The following PPP2R2B variants were observed in gnomAD, a reference collection of about 807,000 sequenced individuals.
PPP2R2B encodes the protein serine/threonine-protein phosphatase 2A 55 kDa regulatory subunit B beta isoform.
A neutral mutation model predicts 46.0 loss-of-function variants in PPP2R2B; 5 were observed. The observed-to-expected ratio is 0.11, with a 90% CI of 0.06 to 0.23. The LOEUF is 0.23. PPP2R2B is among the 10% of genes least tolerant of loss of function. PPP2R2B has a pLI of 1.00. For synonymous variants in PPP2R2B, 215 were observed against 206.7 expected (o/e 1.04, Z -0.34); for missense variants, 367 against 575.0 (o/e 0.64, Z 3.70).
chr5:146,726,744 T>C (rs1751891895), intron 2 of PPP2R2B, among the ~76,000 whole-genome samples: 1 of 152,178 alleles, frequency 6.6e-6, no homozygotes, highest in Admixed American at 6.6e-5. Flanking sequence ...ATCTGAGAAA[T>C]CTACTTTACA....
intron 1 of PPP2R2B, among the ~76,000 whole-genome samples, chr5:146,997,698 GTAATA>G (rs1162726943): frequency 6.6e-6 from 1 of 152,140 alleles, no homozygotes; most frequent in Non-Finnish European, 1.5e-5. Context: ...AGTAGACTCA[GTAATA>G]TAATGTGGTA....
At chr5:146,943,571 C>T (rs554494014) in intron 1 of PPP2R2B, among the ~76,000 whole-genome samples, 29 of 152,248 alleles carry the variant, frequency 1.9e-4, no homozygotes, top group Non-Finnish European at 1.6e-4. Context: ...AATCTTGGCA[C>T]ATTTGGGCCT....
intron 2 of PPP2R2B, among the ~76,000 whole-genome samples, chr5:146,774,831 A>G (rs1238687327): frequency 6.6e-6 from 1 of 151,852 alleles, no homozygotes; most frequent in Non-Finnish European, 1.5e-5. Context: ...AAAAAAAAAA[A>G]AGAAAAGAGA....
At chr5:146,784,510 C>A (rs889331699) in intron 2 of PPP2R2B, among the ~76,000 whole-genome samples, 2 of 152,104 alleles carry the variant, frequency 1.3e-5, no homozygotes, top group Admixed American at 6.6e-5. Flanking sequence ...CCTATTCACA[C>A]CTTCAGTAAA....
At chr5:147,012,809 C>A (rs954280477) in intron 1 of PPP2R2B, among the ~76,000 whole-genome samples, 1 of 151,912 alleles carries the variant, frequency 6.6e-6, no homozygotes, top group Non-Finnish European at 1.5e-5. Context: ...CAAAGAACAT[C>A]TTTATTTCTG....
chr5:146,671,468 C>A (rs1777366087), intron 5 of PPP2R2B, among the ~76,000 whole-genome samples: 1 of 152,206 alleles, frequency 6.6e-6, no homozygotes, highest in African/African-American at 2.4e-5. Flanking sequence ...TATGTAACTG[C>A]AGCTTTCAAA....
At chr5:146,913,600 T>G (rs1367822568) in intron 1 of PPP2R2B, among the ~76,000 whole-genome samples, 3 of 152,040 alleles carry the variant, frequency 2.0e-5, no homozygotes, top group Non-Finnish European at 2.9e-5. Context: ...GGTCTCTTGA[T>G]CTCCACTTTG....
chr5:146,895,114 A>G (rs1025407389), intron 1 of PPP2R2B, among the ~76,000 whole-genome samples: 9 of 152,206 alleles, frequency 5.9e-5, no homozygotes, highest in African/African-American at 2.2e-4. Context: ...TTTGTCCTCT[A>G]TGTCAAAATA....
At position 146,720,917 on chromosome 5, in the gene PPP2R2B, A is replaced by G. The variant is rs550921446; in HGVS notation, c.71-19775T>C. On this transcript the variant is annotated intron_variant, in intron 2 of 9. Coordinates refer to ENST00000394411, the MANE Select transcript of PPP2R2B (RefSeq NM_181675.4). ...TAGTGCATAGCCACTTGCAAATCCT[A>G]TCTCTTGAGACTTTTCATGATAAAG... 7.2e-5 allele frequency among the ~76,000 whole-genome samples: 11 copies of G among 152,294 alleles called. No homozygotes were observed. In the East Asian group the frequency reaches 2.1e-3, roughly 29 times the overall value.
chr5:147,060,828 T>G (rs1300384273), upstream of PPP2R2B, among the ~76,000 whole-genome samples: 1 of 152,158 alleles, frequency 6.6e-6, no homozygotes, highest in Non-Finnish European at 1.5e-5. Flanking sequence ...AGACCCTAAG[T>G]TGCAAGAAGG....
At chr5:147,059,454 G>A (rs151184720), upstream of PPP2R2B, among the ~76,000 whole-genome samples, 92 of 152,298 alleles carry the variant, frequency 6.0e-4, no homozygotes, top group African/African-American at 2.1e-3. Flanking sequence ...ACAGATAAGA[G>A]CAGGGTCACC....
chr5:147,037,349 C>CA (rs1015230018), intron 1 of PPP2R2B, among the ~76,000 whole-genome samples: 7 of 149,338 alleles, frequency 4.7e-5, no homozygotes, highest in African/African-American at 1.5e-4. Flanking sequence ...AATTGTTAGG[C>CA]AAAAAAAAGT....
At chr5:146,820,810 G>A (rs138119886) in intron 2 of PPP2R2B, among the ~76,000 whole-genome samples, 66 of 152,120 alleles carry the variant, frequency 4.3e-4, no homozygotes, top group Middle Eastern at 3.4e-3. Flanking sequence ...GACTCCATCC[G>A]TCAAATTGCC....
chr5:147,036,707 T>C (rs1245247026), intron 1 of PPP2R2B, among the ~76,000 whole-genome samples: 1 of 152,192 alleles, frequency 6.6e-6, no homozygotes, highest in Non-Finnish European at 1.5e-5. Flanking sequence ...ATAATAGCCA[T>C]TCTGACTGTG....
In PPP2R2B at chr5:146,593,022, T is replaced by C; in HGVS notation, c.1001A>G (p.Glu334Gly). The C allele has an allele frequency of 6.2e-7, 1 of 1,614,090 alleles. No homozygotes were observed. The highest frequency in any genetic ancestry group is 8.5e-7 in the Non-Finnish European group (1 of 1,179,908). ...AAATTTATCAAAAATGCAGTCATTTTCATAGAGGGAACACAGCTTGCTGCG... is the reference window on the plus strand; with the variant it reads ...AAATTTATCAAAAATGCAGTCATTTCCATAGAGGGAACACAGCTTGCTGCG... ...YLRSKLCSLYENDCIFDKFEC... is the reference protein window; with the variant it reads ...YLRSKLCSLYGNDCIFDKFEC... The change falls in exon 9 of 10, where the codon GAA becomes GGA. Residue 334 changes from glutamate to glycine, a missense_variant. Physicochemically the swap from Glu to Gly is moderately conservative, Grantham distance 98. Coordinates refer to ENST00000394411, the MANE Select transcript of PPP2R2B (RefSeq NM_181675.4).
chr5:146,957,626 G>A (rs1218966248), intron 1 of PPP2R2B, among the ~76,000 whole-genome samples: 1 of 152,116 alleles, frequency 6.6e-6, no homozygotes, highest in African/African-American at 2.4e-5. Flanking sequence ...GTGGGAGCAG[G>A]TAGAGGCACC....
At chr5:146,594,546 T>G (rs1027837307) in intron 8 of PPP2R2B, among the ~76,000 whole-genome samples, 2 of 152,178 alleles carry the variant, frequency 1.3e-5, no homozygotes, top group African/African-American at 4.8e-5. Context: ...GCCAGGTGCT[T>G]TATCTGTCAA....
intron 1 of PPP2R2B, among the ~76,000 whole-genome samples, chr5:147,053,769 C>T (rs1248834251): frequency 6.6e-6 from 1 of 152,146 alleles, no homozygotes; most frequent in South Asian, 2.1e-4. Flanking sequence ...ATGTGTGGAG[C>T]ATTACAAAGA....
chr5:146,844,024 A>C (rs1759827734), intron 2 of PPP2R2B, among the ~76,000 whole-genome samples: 1 of 152,066 alleles, frequency 6.6e-6, no homozygotes, highest in South Asian at 2.1e-4. Context: ...AGGAATCGCC[A>C]CACTGACTTC....
Sources: allele counts gnomAD v4.1 joint callset (sites outside exome capture counted in the v4.1 genomes callset), GRCh38; gene constraint gnomAD v4.1.1; transcripts MANE v1.5; gene names NCBI Gene and HGNC (gene_info 2026-07-23, HGNC 2026-07-21).